The following MCHR2 variants were observed in gnomAD, a reference collection of about 807,000 sequenced individuals.
The protein encoded by MCHR2 is melanin-concentrating hormone receptor 2.
A neutral mutation model predicts 24.8 loss-of-function variants in MCHR2; 15 were observed. The ratio of observed to expected loss-of-function variants is 0.60; its 90% confidence interval spans 0.40 to 0.93. The LOEUF (loss-of-function observed/expected upper bound fraction) is 0.93. MCHR2 is among the 40% of genes least tolerant of loss of function. The pLI is 0.00. For missense variants in MCHR2, 386 were observed against 408.7 expected, an observed-to-expected ratio of 0.94 and a Z score of 0.48; for synonymous variants, 151 against 147.6, an observed-to-expected ratio of 1.02 and a Z score of -0.17.
chr6:99,932,177 G>A (rs1445439477), intron 5 of MCHR2, among the ~76,000 whole-genome samples: 1 of 152,064 alleles, frequency 6.6e-6, no homozygotes, highest in Non-Finnish European at 1.5e-5. Flanking sequence ...GTTTAAATAT[G>A]TTATGCCACT....
chr6:99,963,620 C>A (rs2114554707), intron 1 of MCHR2, among the ~76,000 whole-genome samples: 1 of 152,104 alleles, frequency 6.6e-6, no homozygotes, highest in South Asian at 2.1e-4. Context: ...CTGTACTGTT[C>A]ATTTATCAAT....
chr6:99,985,813 T>C (rs972629908), intron 1 of MCHR2, among the ~76,000 whole-genome samples: 4 of 151,842 alleles, frequency 2.6e-5, no homozygotes, highest in Non-Finnish European at 2.9e-5. Flanking sequence ...ACAAAAACAA[T>C]AGGCAAATGG....
At chr6:99,927,914 C>T (rs1268376489) in intron 5 of MCHR2, among the ~76,000 whole-genome samples, 3 of 152,122 alleles carry the variant, frequency 2.0e-5, no homozygotes, top group East Asian at 1.9e-4. Flanking sequence ...TGTCTTGTGC[C>T]AGTTTTCAAA....
rs1775051008 is a variant in MCHR2, at chr6:99,955,975, G to A, written c.173C>T (p.Thr58Ile). ...GLVGNILIVF[T>I]IIRSRKKTVP... Reference sequence around the variant, plus strand: ...AGGAGCCATTCCTTACCTTATTATAGTGAATACAATGAGGATGTTGCCAAC... The same window carrying A: ...AGGAGCCATTCCTTACCTTATTATAATGAATACAATGAGGATGTTGCCAAC... Residue 58 changes from threonine (T) to isoleucine (I), a missense_variant, in exon 2 of 6, where the codon ACT becomes ATT. Thr to Ile is a moderately conservative substitution (Grantham distance 89). Transcript: ENST00000281806. 1 of 1,589,006 alleles carries A rather than the reference G, an allele frequency of 6.3e-7. No individual in the cohort carries two copies. Among genetic ancestry groups the A allele is most frequent in the Non-Finnish European group, 8.5e-7 (1 of 1,170,626 alleles).
At chr6:99,982,928 G>A (rs1297016751) in intron 1 of MCHR2, among the ~76,000 whole-genome samples, 1 of 151,948 alleles carries the variant, frequency 6.6e-6, no homozygotes, top group African/African-American at 2.4e-5. Context: ...GCTGGTGCCG[G>A]CCATGATGTT....
chr6:99,935,723 C>G (rs1348222678), intron 4 of MCHR2, among the ~76,000 whole-genome samples: 3 of 151,586 alleles, frequency 2.0e-5, no homozygotes, highest in African/African-American at 7.3e-5. Context: ...GGATATAAAC[C>G]CAGTAGTGGA....
At chr6:99,943,476 C>T (rs1774816819) in intron 3 of MCHR2, among the ~76,000 whole-genome samples, 1 of 151,472 alleles carries the variant, frequency 6.6e-6, no homozygotes, top group Non-Finnish European at 1.5e-5. Context: ...CTAATGCTAT[C>T]CCTCTCCCCT....
chr6:99,957,993 C>A (rs1022204041), intron 1 of MCHR2, among the ~76,000 whole-genome samples: 1 of 151,882 alleles, frequency 6.6e-6, no homozygotes, highest in Non-Finnish European at 1.5e-5. Context: ...CATACTACTT[C>A]TGAAATTTAA....
chr6:99,981,333 G>A (rs1293697112), intron 1 of MCHR2, among the ~76,000 whole-genome samples: 2 of 152,160 alleles, frequency 1.3e-5, no homozygotes, highest in African/African-American at 4.8e-5. Context: ...TCCCTGTGGG[G>A]TAAGCGTTTC....
intron 2 of MCHR2, among the ~76,000 whole-genome samples, chr6:99,955,631 G>C (rs2114540657): frequency 6.6e-6 from 1 of 152,196 alleles, no homozygotes; most frequent in South Asian, 2.1e-4. Flanking sequence ...GAGTTAATGG[G>C]TCTGGGGTGA....
chr6:99,932,337 C>A (rs1408330363), intron 5 of MCHR2, among the ~76,000 whole-genome samples: 1 of 152,078 alleles, frequency 6.6e-6, no homozygotes, highest in Non-Finnish European at 1.5e-5. Context: ...AAGAGCCAGA[C>A]CTTTTTTACA....
At chr6:99,929,022 A>G (rs1237712347) in intron 5 of MCHR2, among the ~76,000 whole-genome samples, 1 of 151,888 alleles carries the variant, frequency 6.6e-6, no homozygotes, top group Non-Finnish European at 1.5e-5. Flanking sequence ...TGTCCCAGAG[A>G]TTCTGGTATG....
In MCHR2 at chr6:99,973,061, T is replaced by C. The variant is rs185426721; in HGVS notation, c.-27-16887A>G. ...TCTATTGATTTGGGGTGGAGAGTTC[T>C]GTAGATGTCTATTAGGTCCGCTTGG... On this transcript the variant is annotated intron_variant, in intron 1 of 5. Transcript: ENST00000281806. Among the ~76,000 whole-genome samples the C allele has an allele frequency of 2.0e-3, 311 of 152,242 alleles. 2 individuals are homozygous for C. The highest frequency in any genetic ancestry group is 7.2e-3 in the African/African-American group (299 of 41,542).
chr6:99,984,445 G>C (rs919140666), intron 1 of MCHR2, among the ~76,000 whole-genome samples: 2 of 132,622 alleles, frequency 1.5e-5, no homozygotes, highest in Non-Finnish European at 3.1e-5. Context: ...CAATGTTTAG[G>C]AAAATGTACA....
rs537815179 is a variant in MCHR2 at position 99,927,212 on chromosome 6, A to C, written c.708-5957T>G. Among the ~76,000 whole-genome samples the C allele has an allele frequency of 1.3e-4, 20 of 152,308 alleles. No individual in the cohort carries two copies. The South Asian group carries it at 1.7e-3, about 13-fold the overall frequency. On this transcript the variant is annotated intron_variant, in intron 5 of 5. Transcript: ENST00000281806. ...TGATCTATATCTCTGTTTTGGTACCAGTACCATGCTGTTTTGGTTACTGCA... is the reference window on the plus strand; with the variant it reads ...TGATCTATATCTCTGTTTTGGTACCCGTACCATGCTGTTTTGGTTACTGCA...
At chr6:99,941,378 T>G (rs1198263242) in intron 4 of MCHR2, among the ~76,000 whole-genome samples, 1 of 151,888 alleles carries the variant, frequency 6.6e-6, no homozygotes, top group East Asian at 1.9e-4. Flanking sequence ...TTCTGAGGGC[T>G]CTGGGAGTGG....
At chr6:99,980,192 G>A (rs1775638257) in intron 1 of MCHR2, among the ~76,000 whole-genome samples, 1 of 152,314 alleles carries the variant, frequency 6.6e-6, no homozygotes, top group East Asian at 1.9e-4. Context: ...ATGGGCCCTT[G>A]TTAAACACTA....
intron 2 of MCHR2, among the ~76,000 whole-genome samples, 162 bp downstream of exon 2, chr6:99,955,804 C>T (rs915293046): frequency 3.3e-5 from 5 of 151,978 alleles, no homozygotes; most frequent in East Asian, 1.9e-4. Flanking sequence ...TAATGCATGA[C>T]GAAAATATCT....
chr6:99,926,029 C>T (rs2114487849), intron 5 of MCHR2, among the ~76,000 whole-genome samples: 1 of 152,072 alleles, frequency 6.6e-6, no homozygotes, highest in Non-Finnish European at 1.5e-5. Context: ...GTTCCCCTTC[C>T]TGTGTCCATG....
Sources: gnomAD v4.1 joint callset for allele counts (sites outside exome capture counted in the v4.1 genomes callset) on GRCh38, gnomAD v4.1.1 for gene constraint, MANE v1.5 for transcripts, NCBI Gene and HGNC (gene_info 2026-07-23, HGNC 2026-07-21) for gene names.